TTLL5: variants seen among roughly 807,000 people sequenced by gnomAD.
TTLL5 encodes the protein tubulin tyrosine ligase like 5.
Under a neutral mutation model 168.4 loss-of-function variants are expected in TTLL5, and 132 were observed. The ratio of observed to expected loss-of-function variants is 0.78; its 90% CI spans 0.68 to 0.91. The LOEUF (loss-of-function observed/expected upper bound fraction) is 0.91, where lower values mean the gene tolerates loss of function less well. Among genes scored for constraint, TTLL5 ranks in the 40% least tolerant of loss-of-function variants. The pLI is 0.00. For synonymous variants in TTLL5, 546 were observed against 558.6 expected (o/e 0.98, Z 0.32); for missense variants, 1,545 against 1,581.5 (o/e 0.98, Z 0.39).
intron 28 of TTLL5, among the ~76,000 whole-genome samples, chr14:75,829,666 T>G (rs175889): frequency 0.9 from 136,459 of 152,020 alleles, 61,396 homozygotes; most frequent in African/African-American, 0.94. Context: ...TGGGTGAAAA[T>G]ATAAGGTTCT....
In TTLL5 at chr14:75,818,182, A is replaced by G. The variant is rs977780495; in HGVS notation, c.3172-1825A>G. On this transcript the variant is annotated intron_variant, in intron 27 of 31. Transcript: ENST00000298832. ...TCCACTACCACTGCCCAGGTTTTAA[A>G]TACATCTGTATTTGCCATAACAACT... Among the ~76,000 whole-genome samples the G allele has an allele frequency of 3.3e-5, 5 of 152,050 alleles. No individual in the cohort carries two copies. In the East Asian group the frequency reaches 9.7e-4, roughly 29 times the overall value.
rs778638291 is a variant in TTLL5 at position 75,792,986 on chromosome 14, A to G, written c.3057A>G (p.Leu1019=). Residue 1019 remains leucine, a synonymous_variant, in exon 27 of 32, where the codon TTA becomes TTG. Transcript: ENST00000298832. ...KTQKEGEDAS[L]YSKRYNQSMV... Reference sequence around the variant, plus strand: ...AAAAAGAGGGAGAAGATGCTTCTTTATATAGCAAACGGTACAACCAAAGTA... The same window carrying G: ...AAAAAGAGGGAGAAGATGCTTCTTTGTATAGCAAACGGTACAACCAAAGTA... 16 of 1,613,568 alleles carry G rather than the reference A, an allele frequency of 9.9e-6. No homozygotes were observed. The highest frequency in any genetic ancestry group is 8.9e-5 in the East Asian group (4 of 44,900).
intron 12 of TTLL5, among the ~76,000 whole-genome samples, chr14:75,726,907 GA>G (rs1888220134): frequency 6.6e-6 from 1 of 152,094 alleles, no homozygotes; most frequent in Non-Finnish European, 1.5e-5. Flanking sequence ...AGCTTAGGAT[GA>G]CAGAATTACA....
At chr14:75,775,418 A>G (rs1371179698) in intron 21 of TTLL5, 66 bp from the exon 22 acceptor site, 1 of 1,567,592 alleles carries the variant, frequency 6.4e-7, no homozygotes, top group Non-Finnish European at 8.7e-7. Context: ...ATGCCTTCAT[A>G]GCTTGTCTTC....
intron 6 of TTLL5, among the ~76,000 whole-genome samples, chr14:75,692,894 GC>G (rs1254494059): frequency 6.6e-6 from 1 of 152,130 alleles, no homozygotes; most frequent in Non-Finnish European, 1.5e-5. Flanking sequence ...AGTTGTAAGA[GC>G]AGGTTTGAGT....
chr14:75,729,043 G>A (rs986579004), intron 12 of TTLL5, among the ~76,000 whole-genome samples: 2 of 152,156 alleles, frequency 1.3e-5, no homozygotes, highest in African/African-American at 2.4e-5. Context: ...AAGTTCAGAC[G>A]TTAAGTGTAG....
intron 30 of TTLL5, among the ~76,000 whole-genome samples, chr14:75,894,558 A>G (rs1161024884): frequency 6.6e-6 from 1 of 152,236 alleles, no homozygotes; most frequent in Non-Finnish European, 1.5e-5. Context: ...CTGTCTCAAA[A>G]AAAAGCAAAA....
At chr14:75,673,268 C>T (rs1222899383) in intron 3 of TTLL5, among the ~76,000 whole-genome samples, 1 of 152,164 alleles carries the variant, frequency 6.6e-6, no homozygotes, top group Non-Finnish European at 1.5e-5. Context: ...ATTTTAAAGA[C>T]CCAATTTTAA....
At chr14:75,733,855 G>T in intron 13 of TTLL5, 134 bp from the exon 14 acceptor site, 1 of 556,120 alleles carries the variant, frequency 1.8e-6, no homozygotes, top group East Asian at 3.9e-5. Context: ...CACCGCCCCC[G>T]TGGATTTTAT....
intron 12 of TTLL5, among the ~76,000 whole-genome samples, chr14:75,727,368 C>T (rs899286222): frequency 1.3e-5 from 2 of 152,084 alleles, no homozygotes. Context: ...GAGAAAGGAA[C>T]GAACTATATT....
At chr14:75,829,051 A>G (rs1013513874) in intron 28 of TTLL5, among the ~76,000 whole-genome samples, 3 of 152,160 alleles carry the variant, frequency 2.0e-5, no homozygotes, top group Non-Finnish European at 4.4e-5. Context: ...CAAGTACTAT[A>G]AAGCAATATG....
intron 9 of TTLL5, chr14:75,710,399 T>TACACACACACACACACAC (rs34988364): frequency 2.7e-5 from 4 of 145,902 alleles, no homozygotes; most frequent in Non-Finnish European, 4.5e-5. Flanking sequence ...AAAAAATTTA[T>TACACACACACACACACAC]ACACACACAC....
chr14:75,891,482 A>C (rs997309519), intron 30 of TTLL5, among the ~76,000 whole-genome samples: 2 of 152,220 alleles, frequency 1.3e-5, no homozygotes, highest in East Asian at 3.8e-4. Flanking sequence ...GCAGTGTCCA[A>C]TGGTGATAAC....
chr14:75,851,915 G>A (rs1439712692), intron 28 of TTLL5, among the ~76,000 whole-genome samples: 2 of 152,166 alleles, frequency 1.3e-5, no homozygotes, highest in East Asian at 3.8e-4. Context: ...CCCGTGCCCC[G>A]AAAGCTTGGG....
At chr14:75,948,956 A>G (rs923053450) in intron 31 of TTLL5, among the ~76,000 whole-genome samples, 2 of 152,232 alleles carry the variant, frequency 1.3e-5, no homozygotes, top group Non-Finnish European at 2.9e-5. Flanking sequence ...TCTTCCCACA[A>G]GTTAATTACC....
At chr14:75,817,075 G>C (rs565434118) in intron 27 of TTLL5, among the ~76,000 whole-genome samples, 1 of 150,344 alleles carries the variant, frequency 6.7e-6, no homozygotes, top group Admixed American at 6.6e-5. Context: ...TGACTTCTGG[G>C]TTCAAGCAAT....
intron 3 of TTLL5, among the ~76,000 whole-genome samples, chr14:75,670,240 T>A (rs1023723326): frequency 6.6e-6 from 1 of 152,188 alleles, no homozygotes; most frequent in African/African-American, 2.4e-5. Context: ...AAAATTTATT[T>A]ATTTTTTAGA....
chr14:75,667,755 T>G (rs983696218), intron 2 of TTLL5, among the ~76,000 whole-genome samples: 2 of 140,396 alleles, frequency 1.4e-5, no homozygotes, highest in African/African-American at 5.3e-5. Context: ...TTTTATGTTT[T>G]TTTTTTTTTT....
chr14:75,681,846 T>G (rs1442214415), intron 4 of TTLL5, among the ~76,000 whole-genome samples: 1 of 152,084 alleles, frequency 6.6e-6, no homozygotes, highest in Non-Finnish European at 1.5e-5. Flanking sequence ...AAATTTTTTC[T>G]TGCTACGTTC....
Sources: allele counts gnomAD v4.1 joint callset (sites outside exome capture counted in the v4.1 genomes callset), GRCh38; gene constraint gnomAD v4.1.1; transcripts MANE v1.5; gene names NCBI Gene and HGNC (gene_info 2026-07-23, HGNC 2026-07-21).